ADGRB1: variants seen among roughly 807,000 people sequenced by gnomAD.
ADGRB1 encodes the protein brain-specific angiogenesis inhibitor 1.
Under a neutral mutation model 175.7 loss-of-function variants are expected in ADGRB1, and 36 were observed. The ratio of observed to expected loss-of-function variants is 0.20; its 90% CI spans 0.16 to 0.27. ADGRB1 has a LOEUF of 0.27. Among genes scored for constraint, ADGRB1 ranks in the 10% least tolerant of loss-of-function variants. The pLI, the probability that ADGRB1 is intolerant of heterozygous loss-of-function variation, is 1.00. For synonymous variants in ADGRB1, 1,054 were observed against 979.4 expected (o/e 1.08, Z -1.42); for missense variants, 1,731 against 2,255.3 (o/e 0.77, Z 4.71).
chr8:142,512,238 G>A (rs777179983), intron 18 of ADGRB1, among the ~76,000 whole-genome samples: 3 of 152,190 alleles, frequency 2.0e-5, no homozygotes, highest in Non-Finnish European at 4.4e-5. Flanking sequence ...TGACCATAGT[G>A]CACCCCTGCT....
rs373615143 is a variant in ADGRB1 at position 142,479,754 on chromosome 8, G to A, written c.1788G>A (p.Ala596=). The change falls in exon 9 of 31, where the codon GCG becomes GCA. Residue 596 remains alanine, a synonymous_variant. Transcript: ENST00000517894. The part of the protein sequence containing the change: ...FGAVIWKETP[A]GEVAAVRCPR... ...CTGTGATCTGGAAGGAGACCCCAGC[G>A]GGAGAGGTGGCTGCTGTCCGGTGTC... 8.7e-6 allele frequency: 14 copies of A among 1,613,476 alleles called. No individual in the cohort carries two copies. Among genetic ancestry groups the A allele is most frequent in the South Asian group, 3.3e-5 (3 of 91,064 alleles).
At position 142,464,670 on chromosome 8, in the gene ADGRB1, C is replaced by A; in HGVS notation, c.472C>A (p.Pro158Thr). The change falls in exon 2 of 31, where the codon CCC becomes ACC. Residue 158 changes from proline to threonine, a missense_variant. Pro to Thr is a conservative substitution (Grantham distance 38, BLOSUM62 -1). Transcript: ENST00000517894. The stretch of plus-strand genomic sequence containing the variant: ...GCCGCCCCAGCACGACGGGCTCCGG[C>A]CCCGGGCCGGGCCGCCGGGCCCCAC... ...QQPPQHDGLR[P>T]RAGPPGPTDD... The A allele has an allele frequency of 6.6e-7, 1 of 1,523,668 alleles. No individual in the cohort carries two copies. Among genetic ancestry groups the A allele is most frequent in the Non-Finnish European group, 8.8e-7 (1 of 1,141,384 alleles). 94.4% of individuals were successfully genotyped at this position (1,523,668 alleles called of 1,614,324 possible). A position where few individuals can be genotyped will look rare whatever the true frequency, so the allele number is the denominator to read the frequency against.
intron 17 of ADGRB1, among the ~76,000 whole-genome samples, chr8:142,506,717 G>T (rs950188047): frequency 6.6e-6 from 1 of 152,170 alleles, no homozygotes; most frequent in Non-Finnish European, 1.5e-5. Flanking sequence ...AAGAGGATGC[G>T]TCCCAGAGAT....
chr8:142,480,742 G>C (rs1235684003), intron 9 of ADGRB1, among the ~76,000 whole-genome samples: 1 of 152,190 alleles, frequency 6.6e-6, no homozygotes, highest in Admixed American at 6.5e-5. Context: ...AGCTGTCCCT[G>C]TTTCTCTGAT....
chr8:142,502,427 T>G (rs201717634), intron 17 of ADGRB1, among the ~76,000 whole-genome samples: 23 of 46,086 alleles, frequency 5.0e-4, no homozygotes, highest in Non-Finnish European at 5.9e-4. Flanking sequence ...GTGATGGTGG[T>G]GGTGGTGGTA....
intron 17 of ADGRB1, among the ~76,000 whole-genome samples, chr8:142,499,824 C>G (rs77844846): frequency 6.6e-6 from 1 of 152,196 alleles, no homozygotes; most frequent in Non-Finnish European, 1.5e-5. Flanking sequence ...GGTGCCTGCT[C>G]GGTGCCGGGC....
At chr8:142,501,195 G>A (rs993836740) in intron 17 of ADGRB1, among the ~76,000 whole-genome samples, 1 of 152,188 alleles carries the variant, frequency 6.6e-6, no homozygotes, top group Non-Finnish European at 1.5e-5. Context: ...TGTGATGACT[G>A]TGAAGGGACA....
At chr8:142,534,834 C>G (rs1010877572) in intron 25 of ADGRB1, among the ~76,000 whole-genome samples, 1 of 152,214 alleles carries the variant, frequency 6.6e-6, no homozygotes, top group Non-Finnish European at 1.5e-5. Context: ...GGGCCAGGCC[C>G]TGGTCCCAGC....
At chr8:142,538,513 G>T (rs1028996052) in intron 26 of ADGRB1, among the ~76,000 whole-genome samples, 1 of 152,212 alleles carries the variant, frequency 6.6e-6, no homozygotes, top group Non-Finnish European at 1.5e-5. Flanking sequence ...CCTGACCTCT[G>T]ATCCCAGGGG....
chr8:142,536,232 C>T (rs1327974494), intron 25 of ADGRB1, among the ~76,000 whole-genome samples: 4 of 130,430 alleles, frequency 3.1e-5, no homozygotes, highest in African/African-American at 1.2e-4. Flanking sequence ...CCAAGGATTC[C>T]CTTTATATAC....
intron 17 of ADGRB1, among the ~76,000 whole-genome samples, chr8:142,505,628 G>A (rs1321309340): frequency 6.6e-6 from 1 of 152,202 alleles, no homozygotes; most frequent in Non-Finnish European, 1.5e-5. Context: ...GAGTTGGGAG[G>A]TTGGGTGAGG....
In ADGRB1 at chr8:142,475,544, G is replaced by T; in HGVS notation, c.855G>T (p.Thr285=). ...GCGGGGGAGGCCTCCAGACGCGGAC[G>T]CGCACCTGCCTGCCCGCGCCGGGCG... is the stretch of plus-strand genomic sequence containing the variant. ...RDCGGGLQTR[T]RTCLPAPGVE... Residue 285 remains threonine (T), a synonymous_variant, in exon 3 of 31, where the codon ACG becomes ACT. Coordinates refer to ENST00000517894, the MANE Select transcript of ADGRB1 (RefSeq NM_001702.3). 7.8e-7 allele frequency: 1 copy of T among 1,287,012 alleles called. No individual in the cohort carries two copies. Among genetic ancestry groups the T allele is most frequent in the East Asian group, 2.8e-5 (1 of 35,244 alleles). The allele number at this position is 1,287,012 out of a possible 1,614,324, so 79.7% of individuals were successfully genotyped here.
Position 142,455,344 on chromosome 8 carries a change from A to C in ADGRB1, c.-220+5240A>C, listed in dbSNP as rs1839608737. 6.7e-6 allele frequency among the ~76,000 whole-genome samples: 1 copy of C among 148,196 alleles called. No individual in the cohort carries two copies. The highest frequency in any genetic ancestry group is 2.5e-5 in the African/African-American group (1 of 39,922). On this transcript the variant is annotated intron_variant, in intron 1 of 30. Transcript: ENST00000517894. The surrounding 1 kb of genome is among the most constrained non-coding windows in gnomAD (Gnocchi z 4.9). ...CCCACCTTAGGCTCCTGTCCCCTTC[A>C]CTCGCCCCCATGGCTGTCCTCCTGC...
At chr8:142,451,773 G>T (rs1206717428) in intron 1 of ADGRB1, among the ~76,000 whole-genome samples, 1 of 152,122 alleles carries the variant, frequency 6.6e-6, no homozygotes, top group Non-Finnish European at 1.5e-5. Context: ...GGTGGTATAC[G>T]GTGTGTGGGG....
At chr8:142,483,235 C>T (rs1841465763) in intron 11 of ADGRB1, among the ~76,000 whole-genome samples, 1 of 141,852 alleles carries the variant, frequency 7.0e-6, no homozygotes, top group Non-Finnish European at 1.5e-5. Flanking sequence ...CGCACTGAGC[C>T]CTGACCCTGG....
chr8:142,468,210 G>C (rs1333102773), intron 2 of ADGRB1, among the ~76,000 whole-genome samples: 6 of 129,884 alleles, frequency 4.6e-5, no homozygotes, highest in African/African-American at 1.8e-4. Context: ...GTGTGGGTGC[G>C]TGTGTGTGTG....
chr8:142,468,033 G>A (rs138684160), intron 2 of ADGRB1, among the ~76,000 whole-genome samples: 187 of 152,376 alleles, frequency 1.2e-3, no homozygotes, highest in Middle Eastern at 3.4e-3. Flanking sequence ...GTGGTGCTCA[G>A]AAAGAGGTGG....
chr8:142,478,772 G>A (rs974234490), intron 7 of ADGRB1, among the ~76,000 whole-genome samples: 1 of 148,522 alleles, frequency 6.7e-6, no homozygotes, highest in Admixed American at 6.7e-5. Flanking sequence ...GGTGTCTGTG[G>A]AGAAGTGGAG....
At chr8:142,516,422 T>TGC (rs1843437800) in intron 18 of ADGRB1, among the ~76,000 whole-genome samples, 1 of 95,426 alleles carries the variant, frequency 1.0e-5, no homozygotes, top group African/African-American at 4.1e-5. Context: ...GGGCCCCAGG[T>TGC]GTGCGTGTGT....
Sources: allele counts gnomAD v4.1 joint callset (sites outside exome capture counted in the v4.1 genomes callset), GRCh38; gene constraint gnomAD v4.1.1; non-coding constraint Gnocchi (gnomAD v3.1); transcripts MANE v1.5; gene names NCBI Gene and HGNC (gene_info 2026-07-23, HGNC 2026-07-21).